The following PUM2 variants were observed in gnomAD, a reference collection of about 807,000 sequenced individuals.
PUM2 encodes pumilio RNA binding family member 2, also known as pumilio homolog 2.
A neutral mutation model predicts 124.5 loss-of-function variants in PUM2; 57 were observed. The ratio of observed to expected loss-of-function variants is 0.46; its 90% CI spans 0.37 to 0.57. PUM2 has a LOEUF of 0.57. Ranked by LOEUF, PUM2 falls within the 20% of genes least tolerant of loss-of-function variation. PUM2 has a pLI of 0.00. For synonymous variants in PUM2, 460 were observed against 446.1 expected (o/e 1.03, Z -0.39); for missense variants, 1,065 against 1,290.6 (o/e 0.83, Z 2.68).
chr2:20,311,878 T>C (rs2148603401), intron 4 of PUM2, among the ~76,000 whole-genome samples: 1 of 152,278 alleles, frequency 6.6e-6, no homozygotes, highest in South Asian at 2.1e-4. Flanking sequence ...ACTATAGCGG[T>C]GCTGGAAAAG....
chr2:20,255,373 T>C (rs1572528395), intron 17 of PUM2, 32 bp from the exon 18 acceptor site: 2 of 1,596,854 alleles, frequency 1.3e-6, no homozygotes, highest in East Asian at 4.5e-5. Context: ...AAAATTTGTA[T>C]TCTCTGACAT....
intron 3 of PUM2, among the ~76,000 whole-genome samples, chr2:20,312,799 C>T (rs35166262): frequency 1.3e-4 from 20 of 152,264 alleles, no homozygotes; most frequent in African/African-American, 3.6e-4. Flanking sequence ...GGAGACATCA[C>T]GCTACTTGAT....
At chr2:20,268,164 C>T (rs1024223289) in intron 13 of PUM2, among the ~76,000 whole-genome samples, 3 of 152,144 alleles carry the variant, frequency 2.0e-5, no homozygotes, top group Admixed American at 6.5e-5. Context: ...ATACAGATTC[C>T]TGACCCTTAC....
chr2:20,308,414 A>T lies in PUM2; in HGVS notation c.689T>A (p.Val230Asp). ...GTCAAACTGTAAGGATTCCAGACCAACTTGTTCCATGGCATCCAGATTCTG... is the reference window on the plus strand; with the variant it reads ...GTCAAACTGTAAGGATTCCAGACCATCTTGTTCCATGGCATCCAGATTCTG... The part of the protein sequence containing the change: ...ETQNLDAMEQ[V>D]GLESLQFDYP... The change falls in exon 6 of 21, where the codon GTT (valine) becomes GAT (aspartate). Residue 230 changes from valine to aspartate, a missense_variant. Val to Asp is a radical substitution (Grantham distance 152, BLOSUM62 -3). Coordinates refer to ENST00000361078, the MANE Select transcript of PUM2 (RefSeq NM_015317.5). 6.2e-7 allele frequency: 1 copy of T among 1,614,110 alleles called. No homozygotes were observed. The highest frequency in any genetic ancestry group is 8.5e-7 in the Non-Finnish European group (1 of 1,179,976).
At chr2:20,283,881 T>C (rs1672129859) in intron 10 of PUM2, among the ~76,000 whole-genome samples, 2 of 152,214 alleles carry the variant, frequency 1.3e-5, no homozygotes, top group African/African-American at 2.4e-5. Context: ...GCAATTTCAT[T>C]GAAGTTCAAA....
At chr2:20,336,759 TG>T (rs1686175021) in intron 1 of PUM2, among the ~76,000 whole-genome samples, 1 of 28,552 alleles carries the variant, frequency 3.5e-5, no homozygotes, top group South Asian at 1.1e-3. Context: ...TGTGTGTGTG[TG>T]TGTGTGTGTG....
At chr2:20,297,341 G>T (rs576497368) in intron 8 of PUM2, among the ~76,000 whole-genome samples, 1 of 152,120 alleles carries the variant, frequency 6.6e-6, no homozygotes, top group Non-Finnish European at 1.5e-5. Flanking sequence ...AGCCAATTAC[G>T]TATACGAGGA....
rs771131074 is a variant in PUM2 at position 20,256,087 on chromosome 2, G to A, written c.2568C>T (p.Ile856=). 1 of 1,601,250 alleles carries A rather than the reference G, an allele frequency of 6.2e-7. No individual in the cohort carries two copies. The highest frequency in any genetic ancestry group is 1.1e-5 in the South Asian group (1 of 88,764). The change falls in exon 17 of 21, where the codon ATC becomes ATT. Residue 856 remains isoleucine (I), a synonymous_variant. Transcript: ENST00000361078. ...QNGNHVVQKC[I]ECVQPQSLQF... is the part of the protein sequence containing the mutation. ...GTAGTGACTGTGGCTGAACACATTC[G>A]ATACATTTTTGTACAACATGGTTTC...
intron 18 of PUM2, 103 bp downstream of exon 18, chr2:20,255,110 TCTC>T (rs1441059556): frequency 3.4e-6 from 5 of 1,465,886 alleles, no homozygotes; most frequent in Non-Finnish European, 3.7e-6. Flanking sequence ...CAGCCTTTTG[TCTC>T]ACTCTTGTCT....
rs199768190 is a variant in PUM2 at position 20,256,200 on chromosome 2, T to C, written c.2485-30A>G. ...AAAAGACAGGATGTCATTTAAATTA[T>C]TACCTCAAACGAGAAAATACTAGTA... On this transcript the variant is annotated intron_variant, in intron 16 of 20. Transcript: ENST00000361078. The C allele has an allele frequency of 9.2e-4, 1,431 of 1,557,852 alleles. 1 individual carries two copies. Among genetic ancestry groups the C allele is most frequent in the Middle Eastern group, 1.9e-3 (11 of 5,934 alleles).
intron 8 of PUM2, among the ~76,000 whole-genome samples, chr2:20,295,413 G>C (rs917826634): frequency 2.0e-5 from 3 of 151,896 alleles, no homozygotes; most frequent in African/African-American, 4.8e-5. Context: ...TGCATTCAAA[G>C]GGGAAAAAAG....
chr2:20,318,462 T>C, intron 3 of PUM2, 75 bp downstream of exon 3: 1 of 1,281,374 alleles, frequency 7.8e-7, no homozygotes, highest in Admixed American at 2.1e-5. Context: ...AGACTCACTC[T>C]AAAAAAAAAG....
At chr2:20,345,143 A>G (rs988701684) in intron 1 of PUM2, among the ~76,000 whole-genome samples, 8 of 136,062 alleles carry the variant, frequency 5.9e-5, no homozygotes, top group African/African-American at 2.3e-4. Flanking sequence ...TCTGTCGCCC[A>G]GTCTGGAGTG....
At chr2:20,318,513 C>T in intron 3 of PUM2, 24 bp downstream of exon 3, 1 of 1,551,300 alleles carries the variant, frequency 6.4e-7, no homozygotes, top group Non-Finnish European at 8.9e-7. Context: ...ATTCACAATT[C>T]TCACACATAT....
chr2:20,319,916 G>C (rs565663585), intron 2 of PUM2, among the ~76,000 whole-genome samples: 1 of 152,242 alleles, frequency 6.6e-6, no homozygotes, highest in African/African-American at 2.4e-5. Context: ...CAAATAGAAA[G>C]AACAAGGAGA....
At position 20,318,592 on chromosome 2, in the gene PUM2, T is replaced by C. The variant is rs1174418226; in HGVS notation, c.105A>G (p.Gln35=). ...WEPDDSTKDG[Q]KGIFLGDDEW... The stretch of plus-strand genomic sequence containing the variant: ...CATCATCCCCAAGAAATATGCCTTT[T>C]TGTCCATCTTTTGTTGAATCATCAG... The change falls in exon 3 of 21, where the codon CAA becomes CAG. Residue 35 remains glutamine (Q), a synonymous_variant. Transcript: ENST00000361078. 6.2e-7 allele frequency: 1 copy of C among 1,613,734 alleles called. No homozygotes were observed. Among genetic ancestry groups the C allele is most frequent in the African/African-American group, 1.3e-5 (1 of 74,948 alleles).
chr2:20,286,252 G>C (rs924263710), intron 10 of PUM2, among the ~76,000 whole-genome samples: 4 of 152,188 alleles, frequency 2.6e-5, no homozygotes, highest in African/African-American at 9.7e-5. Flanking sequence ...AGCTAATCCA[G>C]AGGAGAAGTA....
At chr2:20,274,493 T>C (rs1669730882) in intron 13 of PUM2, among the ~76,000 whole-genome samples, 1 of 152,130 alleles carries the variant, frequency 6.6e-6, no homozygotes, top group African/African-American at 2.4e-5. Context: ...TCTTGCCTAT[T>C]ATTAAAATTT....
intron 13 of PUM2, among the ~76,000 whole-genome samples, chr2:20,272,962 A>G (rs954616326): frequency 6.6e-6 from 1 of 152,204 alleles, no homozygotes; most frequent in Admixed American, 6.5e-5. Flanking sequence ...AAGCCATTCT[A>G]AGAGATATAT....
Sources: gnomAD v4.1 joint callset for allele counts (sites outside exome capture counted in the v4.1 genomes callset) on GRCh38, gnomAD v4.1.1 for gene constraint, MANE v1.5 for transcripts, NCBI Gene and HGNC (gene_info 2026-07-23, HGNC 2026-07-21) for gene names.